The following SCN2A variants were observed in gnomAD, a reference collection of about 807,000 sequenced individuals.
SCN2A encodes the protein sodium channel protein type 2 subunit alpha.
SCN2A carries 20 observed loss-of-function variants against 188.7 expected under a neutral mutation model. The ratio of observed to expected loss-of-function variants is 0.11; its 90% CI spans 0.07 to 0.15. The LOEUF is 0.15. SCN2A is among the 10% of genes least tolerant of loss of function. The probability of loss-of-function intolerance (pLI) is 1.00; values close to 1 mark genes in which losing one functional copy is unlikely to be tolerated. For synonymous variants in SCN2A, 804 were observed against 833.1 expected (o/e 0.97, Z 0.60); for missense variants, 1,278 against 2,445.0 (o/e 0.52, Z 10.07).
In SCN2A at chr2:165,367,358, G is replaced by A; in HGVS notation, c.3662G>A (p.Ser1221Asn). Residue 1221 changes from serine to asparagine, a missense_variant, in exon 19 of 27, where the codon AGC (serine) becomes AAC (asparagine). By Grantham distance (46) the Ser-to-Asn change is conservative. Coordinates refer to ENST00000375437, the MANE Select transcript of SCN2A (RefSeq NM_001040142.2). ...ETFIVFMILL[S>N]SGALAFEDIY... ...TTCATTGTCTTCATGATTCTGCTGAGCAGTGGGGCTCTGGTAGGTGATGCA... is the reference window on the plus strand; with the variant it reads ...TTCATTGTCTTCATGATTCTGCTGAACAGTGGGGCTCTGGTAGGTGATGCA... The A allele has an allele frequency of 6.2e-7, 1 of 1,614,192 alleles. No individual in the cohort carries two copies. Among genetic ancestry groups the A allele is most frequent in the Non-Finnish European group, 8.5e-7 (1 of 1,180,032 alleles).
chr2:165,299,715 A>G (rs2105221308), intron 3 of SCN2A, among the ~76,000 whole-genome samples: 1 of 152,282 alleles, frequency 6.6e-6, no homozygotes, highest in East Asian at 1.9e-4. Context: ...TGCAAACCCT[A>G]GACTTAAATC....
At chr2:165,375,091 CT>C in intron 22 of SCN2A, 125 bp downstream of exon 22, 1 of 860,006 alleles carries the variant, frequency 1.2e-6, no homozygotes, top group Admixed American at 2.3e-5. Flanking sequence ...ACAATAAATG[CT>C]GGCAAGAATG....
intron 23 of SCN2A, among the ~76,000 whole-genome samples, chr2:165,378,439 T>G (rs1430051112): frequency 2.0e-5 from 3 of 151,744 alleles, no homozygotes; most frequent in Admixed American, 2.0e-4. Flanking sequence ...TATGAGATTT[T>G]TCTGAATAGT....
intron 20 of SCN2A, chr2:165,373,018 C>T: frequency 1.9e-6 from 1 of 517,866 alleles, no homozygotes; most frequent in Non-Finnish European, 3.5e-6. Flanking sequence ...TTAACTTCAC[C>T]CTGGGAACCT....
chr2:165,390,171 G>T lies in SCN2A; in HGVS notation c.*347G>T. 4.3e-6 allele frequency: 1 copy of T among 232,218 alleles called. No individual in the cohort carries two copies. The allele number at this position is 232,218 out of a possible 1,614,324, so 14.4% of individuals were successfully genotyped here. A position where few individuals can be genotyped will look rare whatever the true frequency, so the allele number is the denominator to read the frequency against. Reference sequence around the variant, plus strand: ...CATGTGACACTTGATAATAGTAATTGTCACCAGTGTTTATGTTTTAACTGC... The same window carrying T: ...CATGTGACACTTGATAATAGTAATTTTCACCAGTGTTTATGTTTTAACTGC... On this transcript the variant is annotated 3_prime_UTR_variant, in exon 27 of 27. Transcript: ENST00000375437.
chr2:165,276,402 TA>T (rs139085741), intron 1 of SCN2A, among the ~76,000 whole-genome samples: 1 of 151,862 alleles, frequency 6.6e-6, no homozygotes, highest in East Asian at 1.9e-4. Context: ...AATTTTAATT[TA>T]AAAAAAATGT....
At position 165,384,342 on chromosome 2, in the gene SCN2A, A is replaced by G. The variant is rs553053972; in HGVS notation, c.4552-2404A>G. ...TAATTGTTAAATCTGAAGGGCCAAG[A>G]TGAAGTTAGAGAACATAAATTTTTG... On this transcript the variant is annotated intron_variant, in intron 25 of 26. Transcript: ENST00000375437. 2.0e-5 allele frequency among the ~76,000 whole-genome samples: 3 copies of G among 152,270 alleles called. No homozygotes were observed. The South Asian group carries it at 6.2e-4, about 32-fold the overall frequency.
intron 1 of SCN2A, among the ~76,000 whole-genome samples, chr2:165,253,172 A>G (rs1694168548): frequency 6.6e-6 from 1 of 152,162 alleles, no homozygotes; most frequent in Admixed American, 6.5e-5. Flanking sequence ...AAACTGGAAC[A>G]GAAGATGATT....
At chr2:165,362,001 G>A (rs539027779) in intron 17 of SCN2A, among the ~76,000 whole-genome samples, 2 of 152,166 alleles carry the variant, frequency 1.3e-5, no homozygotes, top group African/African-American at 4.8e-5. Flanking sequence ...GAATGTGAAA[G>A]TAAATATCAG....
chr2:165,316,979 T>C (rs929050007), intron 11 of SCN2A, among the ~76,000 whole-genome samples: 1 of 152,202 alleles, frequency 6.6e-6, no homozygotes, highest in Non-Finnish European at 1.5e-5. Flanking sequence ...TCAAGTTGCC[T>C]ATGAAGAATG....
chr2:165,342,247 C>A (rs766801772), intron 14 of SCN2A, 49 bp from the exon 15 acceptor site: 6 of 1,505,520 alleles, frequency 4.0e-6, no homozygotes, highest in South Asian at 1.1e-5. Flanking sequence ...AATAATTATT[C>A]GTGTTTCAAG....
intron 17 of SCN2A, among the ~76,000 whole-genome samples, chr2:165,357,699 A>G (rs910459249): frequency 6.6e-6 from 1 of 152,288 alleles, no homozygotes; most frequent in African/African-American, 2.4e-5. Context: ...CCATGCTTGA[A>G]TGACTATTTT....
Position 165,313,949 on chromosome 2 carries a change from C to T in SCN2A, c.1224C>T (p.Val408=), listed in dbSNP as rs762773869. Residue 408 remains valine, a synonymous_variant, in exon 10 of 27, where the codon GTC becomes GTT. Coordinates refer to ENST00000375437, the MANE Select transcript of SCN2A (RefSeq NM_001040142.2). ...GKTYMIFFVL[V]IFLGSFYLIN... is the part of the protein sequence containing the mutation. ...CGTACATGATATTTTTTGTGCTGGT[C>T]ATTTTCTTGGGCTCATTCTATCTAA... 6 of 1,613,682 alleles carry T rather than the reference C, an allele frequency of 3.7e-6. No individual in the cohort carries two copies. In the East Asian group the frequency reaches 1.1e-4, roughly 30 times the overall value.
chr2:165,366,860 A>G lies in SCN2A; in HGVS notation c.3521-357A>G, dbSNP rs1035665943. 5.9e-5 allele frequency among the ~76,000 whole-genome samples: 9 copies of G among 152,292 alleles called. No homozygotes were observed. The East Asian group carries it at 1.3e-3, about 23-fold the overall frequency. On this transcript the variant is annotated intron_variant, in intron 18 of 26. Coordinates refer to ENST00000375437, the MANE Select transcript of SCN2A (RefSeq NM_001040142.2). ...CATTAAGTGAACTAATCAGAATTCA[A>G]ATATGTAAAGTGTCCATATAGAGTG... is the stretch of plus-strand genomic sequence containing the variant.
intron 14 of SCN2A, among the ~76,000 whole-genome samples, chr2:165,332,938 G>A (rs532897740): frequency 6.6e-6 from 1 of 152,054 alleles, no homozygotes; most frequent in African/African-American, 2.4e-5. Context: ...CTCTGGCTGG[G>A]CATTTTCCTA....
rs2106151134 is a variant in SCN2A at position 165,297,038 on chromosome 2, G to T, written c.289G>T (p.Gly97Trp). The T allele has an allele frequency of 2.5e-6, 4 of 1,606,442 alleles. No individual in the cohort carries two copies. The highest frequency in any genetic ancestry group is 3.4e-6 in the Non-Finnish European group (4 of 1,173,848). ...NKKTFIVLNK[G>W]KAISRFSATP... The stretch of plus-strand genomic sequence containing the variant: ...TCAGACGTTTATAGTATTGAATAAA[G>T]GGAAAGCAATCTCTCGATTCAGTGC... Residue 97 changes from glycine (G) to tryptophan (W), a missense_variant, in exon 3 of 27, where the codon GGG becomes TGG. By Grantham distance (184) the Gly-to-Trp change is radical. Around this residue, in one of 17 missense-constraint regions of SCN2A, gnomAD observed 141 missense variants for 185.4 expected, o/e 0.76. Transcript: ENST00000375437.
intron 3 of SCN2A, among the ~76,000 whole-genome samples, chr2:165,303,102 G>T (rs1696910064): frequency 6.6e-6 from 1 of 151,912 alleles, no homozygotes; most frequent in Non-Finnish European, 1.5e-5. Context: ...CTATGACTTG[G>T]ATTACACATT....
chr2:165,283,533 C>A (rs1359131062), intron 1 of SCN2A, among the ~76,000 whole-genome samples: 2 of 152,206 alleles, frequency 1.3e-5, no homozygotes, highest in East Asian at 3.8e-4. Flanking sequence ...ATTGAGAAAA[C>A]AACTTCCGCT....
intron 22 of SCN2A, among the ~76,000 whole-genome samples, chr2:165,377,128 A>T (rs776913847): frequency 1.4e-4 from 21 of 152,042 alleles, no homozygotes; most frequent in Non-Finnish European, 2.4e-4. Context: ...AACAATATTA[A>T]GAAGATTTTC....
Sources: allele counts gnomAD v4.1 joint callset (sites outside exome capture counted in the v4.1 genomes callset), GRCh38; gene constraint gnomAD v4.1.1; regional missense constraint gnomAD v4.1.1; transcripts MANE v1.5; gene names NCBI Gene and HGNC (gene_info 2026-07-23, HGNC 2026-07-21).